The following UNC79 variants were observed in gnomAD, a reference collection of about 807,000 sequenced individuals.
The protein encoded by UNC79 is unc-79 subunit of NALCN channel complex.
UNC79 carries 37 observed loss-of-function variants against 283.1 expected under a neutral mutation model. The ratio of observed to expected loss-of-function variants is 0.13; its 90% CI spans 0.10 to 0.17. The LOEUF is 0.17. UNC79 is among the 10% of genes least tolerant of loss of function. UNC79 has a pLI of 1.00. For synonymous variants in UNC79, 1,107 were observed against 1,200.2 expected (o/e 0.92, Z 1.61); for missense variants, 2,272 against 3,211.1 (o/e 0.71, Z 7.07).
chr14:93,565,987 A>C (rs2062852524), intron 14 of UNC79, among the ~76,000 whole-genome samples: 1 of 152,190 alleles, frequency 6.6e-6, no homozygotes. Context: ...AGAAGGAAAA[A>C]TAAAAACACA....
chr14:93,511,670 C>A (rs1003026129), intron 7 of UNC79, among the ~76,000 whole-genome samples: 6 of 152,102 alleles, frequency 3.9e-5, no homozygotes. Flanking sequence ...TGGTCTCGAT[C>A]CCTTGACCTC....
chr14:93,464,812 T>C (rs983311976), intron 1 of UNC79, among the ~76,000 whole-genome samples: 8 of 152,184 alleles, frequency 5.3e-5, no homozygotes, highest in Admixed American at 3.9e-4. Flanking sequence ...CCTGCTTTGA[T>C]GAGGCTGCTG....
Position 93,363,854 on chromosome 14 carries a change from G to A in UNC79, c.-351+30331G>A, listed in dbSNP as rs974321033. 2.9e-4 allele frequency among the ~76,000 whole-genome samples: 44 copies of A among 152,098 alleles called. 1 individual carries two copies. The highest frequency in any genetic ancestry group is 2.0e-4 in the Admixed American group (3 of 15,268). ...CTGCCTCAGCCTCCCAAGTAGCTGGGACTACAGGCGCCTGCCACCACACCC... is the reference window on the plus strand; with the variant it reads ...CTGCCTCAGCCTCCCAAGTAGCTGGAACTACAGGCGCCTGCCACCACACCC... On this transcript the variant is annotated intron_variant, in intron 1 of 49. Transcript: ENST00000256339.
intron 11 of UNC79, among the ~76,000 whole-genome samples, chr14:93,534,387 C>A (rs866872621): frequency 1.3e-5 from 2 of 152,130 alleles, no homozygotes; most frequent in South Asian, 4.2e-4. Context: ...TTTAGAACTG[C>A]GTCTCTTTAG....
intron 2 of UNC79, 119 bp downstream of exon 2, chr14:93,467,910 G>T: frequency 8.2e-7 from 1 of 1,219,086 alleles, no homozygotes; most frequent in African/African-American, 1.6e-5. Flanking sequence ...CTAGTGCTCT[G>T]TCAGAAGAGT....
intron 41 of UNC79, among the ~76,000 whole-genome samples, chr14:93,678,730 C>T (rs1242977937): frequency 6.6e-6 from 1 of 152,136 alleles, no homozygotes; most frequent in Non-Finnish European, 1.5e-5. Context: ...CTGTTGTTTA[C>T]GTATAAAGTT....
intron 30 of UNC79, among the ~76,000 whole-genome samples, chr14:93,623,165 A>G (rs2067271253): frequency 6.6e-6 from 1 of 152,218 alleles, no homozygotes; most frequent in African/African-American, 2.4e-5. Flanking sequence ...TCAAACAGCA[A>G]AAGTCATTAA....
intron 41 of UNC79, among the ~76,000 whole-genome samples, chr14:93,673,930 T>C (rs1472082904): frequency 2.0e-5 from 3 of 152,160 alleles, no homozygotes; most frequent in Non-Finnish European, 4.4e-5. Context: ...CACTGAGTGG[T>C]ACCCACAGTT....
chr14:93,538,235 T>C lies in UNC79; in HGVS notation c.1352+17T>C, dbSNP rs868596883. 14 of 1,537,696 alleles carry C rather than the reference T, an allele frequency of 9.1e-6. No individual in the cohort carries two copies. Among genetic ancestry groups the C allele is most frequent in the Non-Finnish European group, 1.2e-5 (14 of 1,141,036 alleles). On this transcript the variant is annotated intron_variant, in intron 12 of 48. Coordinates refer to ENST00000555664, the Ensembl canonical transcript of UNC79. ...CGTGATCAGGTAACACGCAGTTTCT[T>C]AGTAGCTGCCTCTGACAACTCCACC...
intron 2 of UNC79, among the ~76,000 whole-genome samples, chr14:93,471,487 T>C (rs2057501504): frequency 6.6e-6 from 1 of 152,262 alleles, no homozygotes; most frequent in South Asian, 2.1e-4. Context: ...ATATTCATTT[T>C]GGTTGGGTTT....
chr14:93,392,721 T>C (rs2054909309), intron 1 of UNC79, among the ~76,000 whole-genome samples: 1 of 152,200 alleles, frequency 6.6e-6, no homozygotes, highest in African/African-American at 2.4e-5. Context: ...CACAGGACTG[T>C]TAATTCGGTT....
chr14:93,423,809 A>G (rs1243441569), intron 1 of UNC79, among the ~76,000 whole-genome samples: 2 of 152,212 alleles, frequency 1.3e-5, no homozygotes, highest in East Asian at 3.8e-4. Context: ...ACTGGCAAAG[A>G]TTTCCTGAGT....
Position 93,673,331 on chromosome 14 carries a change from T to C in UNC79, c.6637-20T>C. The C allele has an allele frequency of 6.2e-7, 1 of 1,604,546 alleles. No homozygotes were observed. The highest frequency in any genetic ancestry group is 8.5e-7 in the Non-Finnish European group (1 of 1,174,656). On this transcript the variant is annotated intron_variant, in intron 40 of 48. Transcript: ENST00000555664. Reference sequence around the variant, plus strand: ...TGAATTTCTAAAATCACTTACCTCCTTCTGTTTTGTTTTCTTTAGGAACGA... The same window carrying C: ...TGAATTTCTAAAATCACTTACCTCCCTCTGTTTTGTTTTCTTTAGGAACGA...
At chr14:93,492,952 G>A (rs1160185773) in intron 5 of UNC79, among the ~76,000 whole-genome samples, 2 of 152,164 alleles carry the variant, frequency 1.3e-5, no homozygotes, top group Admixed American at 1.3e-4. Context: ...ACATGGGACT[G>A]ACCCCATCCT....
At chr14:93,367,217 T>G (rs1410900320) in intron 1 of UNC79, among the ~76,000 whole-genome samples, 1 of 152,146 alleles carries the variant, frequency 6.6e-6, no homozygotes, top group East Asian at 1.9e-4. Flanking sequence ...AAAAGAAATC[T>G]AAGGACGAGG....
At chr14:93,491,273 G>A (rs375603933) in intron 5 of UNC79, among the ~76,000 whole-genome samples, 44 of 151,914 alleles carry the variant, frequency 2.9e-4, no homozygotes, top group African/African-American at 1.1e-3. Flanking sequence ...CTTTAAGTAT[G>A]AAATCTCTTA....
In UNC79 at chr14:93,621,546, G is replaced by A; in HGVS notation, c.4388-75G>A. 2 of 1,448,456 alleles carry A rather than the reference G, an allele frequency of 1.4e-6. No homozygotes were observed. Among genetic ancestry groups the A allele is most frequent in the African/African-American group, 2.8e-5 (2 of 70,406 alleles). The allele number at this position is 1,448,456 out of a possible 1,614,324, so 89.7% of individuals were successfully genotyped here. A position where few individuals can be genotyped will look rare whatever the true frequency, so the allele number is the denominator to read the frequency against. ...ATTGTGATGATGATTTATGCCAATTGTATGCCCAAGGATGAGGGGAAAAAA... is the reference window on the plus strand; with the variant it reads ...ATTGTGATGATGATTTATGCCAATTATATGCCCAAGGATGAGGGGAAAAAA... On this transcript the variant is annotated intron_variant, in intron 29 of 48. Transcript: ENST00000555664. The surrounding 1 kb of genome is among the most constrained non-coding windows in gnomAD (Gnocchi z 4.8).
At chr14:93,628,404 C>A (rs1215920992) in intron 30 of UNC79, among the ~76,000 whole-genome samples, 2 of 152,222 alleles carry the variant, frequency 1.3e-5, no homozygotes, top group Non-Finnish European at 2.9e-5. Flanking sequence ...ATTCTTTGAT[C>A]CAACACCAGG....
intron 4 of UNC79, among the ~76,000 whole-genome samples, chr14:93,478,648 A>T (rs2057939658): frequency 6.6e-6 from 1 of 152,184 alleles, no homozygotes; most frequent in South Asian, 2.1e-4. Context: ...GATAATTAAG[A>T]TGGTTAACTT....
Sources: allele counts gnomAD v4.1 joint callset (sites outside exome capture counted in the v4.1 genomes callset), GRCh38; gene constraint gnomAD v4.1.1; non-coding constraint Gnocchi (gnomAD v3.1); transcripts MANE v1.5; gene names NCBI Gene and HGNC (gene_info 2026-07-23, HGNC 2026-07-21).